NAA25: variants seen among roughly 807,000 people sequenced by gnomAD.
The protein encoded by NAA25 is N-alpha-acetyltransferase 25, NatB auxiliary subunit.
NAA25 carries 30 observed loss-of-function variants against 132.5 expected under a neutral mutation model. That is an observed-to-expected ratio of 0.23 (90% CI 0.17 to 0.31). NAA25 has a LOEUF of 0.31. Among genes scored for constraint, NAA25 ranks in the 10% least tolerant of loss-of-function variants. The pLI is 1.00. For missense variants in NAA25, 771 were observed against 1,150.4 expected (o/e 0.67, Z 4.77); for synonymous variants, 359 against 401.9 (o/e 0.89, Z 1.28).
rs905661212 is a variant in NAA25 at position 112,026,851 on chromosome 12, C to T, written c.*2680G>A. The T allele has an allele frequency of 2.0e-5, 3 of 152,132 alleles. No homozygotes were observed. The highest frequency in any genetic ancestry group is 7.3e-5 in the African/African-American group (3 of 41,358). 9.4% of individuals were successfully genotyped at this position (152,132 alleles called of 1,614,324 possible). ...ACAAGCCTGTAGATACATTGAAACC[C>T]CTTTTTATATTAAAAGTTAAAATGA... On this transcript the variant is annotated 3_prime_UTR_variant, in exon 24 of 24. Coordinates refer to ENST00000261745, the MANE Select transcript of NAA25 (RefSeq NM_024953.4).
At chr12:112,100,401 T>TCCTCCTGC (rs1257992655) in intron 1 of NAA25, among the ~76,000 whole-genome samples, 2 of 152,118 alleles carry the variant, frequency 1.3e-5, no homozygotes, top group East Asian at 3.9e-4. Context: ...GACCTCGTGA[T>TCCTCCTGC]CCTCCTGCCT....
intron 1 of NAA25, among the ~76,000 whole-genome samples, chr12:112,107,184 T>C (rs373680222): frequency 1.3e-5 from 2 of 151,912 alleles, no homozygotes; most frequent in South Asian, 2.1e-4. Flanking sequence ...CGCTTGAACC[T>C]GGGAGGCAGA....
chr12:112,061,111 G>A (rs1390846558), intron 12 of NAA25, 70 bp downstream of exon 12: 8 of 1,289,906 alleles, frequency 6.2e-6, no homozygotes, highest in Non-Finnish European at 8.8e-6. Flanking sequence ...TGCTACAGGT[G>A]CTTAAAAAAC....
At chr12:112,035,937 T>G (rs2136802446) in intron 22 of NAA25, among the ~76,000 whole-genome samples, 1 of 152,264 alleles carries the variant, frequency 6.6e-6, no homozygotes, top group Admixed American at 6.5e-5. Flanking sequence ...CTCCCCACCT[T>G]GGCCTCCCCA....
At chr12:112,073,528 C>A (rs2078847119) in intron 9 of NAA25, among the ~76,000 whole-genome samples, 1 of 152,154 alleles carries the variant, frequency 6.6e-6, no homozygotes, top group African/African-American at 2.4e-5. Flanking sequence ...GCTCCGCCTC[C>A]CGGGTTCACG....
intron 4 of NAA25, among the ~76,000 whole-genome samples, chr12:112,083,593 G>A (rs998566569): frequency 6.6e-6 from 1 of 152,124 alleles, no homozygotes; most frequent in Non-Finnish European, 1.5e-5. Flanking sequence ...GGACATACAG[G>A]ATAGGAGAGT....
At chr12:112,078,809 G>C (rs748416647) in intron 5 of NAA25, 68 bp from the exon 6 acceptor site, 7 of 1,225,036 alleles carry the variant, frequency 5.7e-6, no homozygotes, top group Non-Finnish European at 8.3e-6. Flanking sequence ...TAACATTACT[G>C]TTAATTGGGC....
chr12:112,045,288 G>A (rs963514532), intron 17 of NAA25, among the ~76,000 whole-genome samples: 1 of 151,862 alleles, frequency 6.6e-6, no homozygotes, highest in Non-Finnish European at 1.5e-5. Flanking sequence ...TCAGGAGATC[G>A]AGACCATCCT....
At chr12:112,031,486 G>T (rs2078149278) in intron 23 of NAA25, among the ~76,000 whole-genome samples, 1 of 152,168 alleles carries the variant, frequency 6.6e-6, no homozygotes, top group South Asian at 2.1e-4. Flanking sequence ...TACAGATAAA[G>T]AGATTGAAGC....
intron 7 of NAA25, 25 bp downstream of exon 7, chr12:112,078,163 C>T: frequency 6.7e-7 from 1 of 1,489,444 alleles, no homozygotes; most frequent in Middle Eastern, 1.8e-4. Flanking sequence ...AAAAAAAAAG[C>T]TTTAAGAAAA....
At chr12:112,055,979 G>C (rs1247708720) in intron 13 of NAA25, among the ~76,000 whole-genome samples, 1 of 152,046 alleles carries the variant, frequency 6.6e-6, no homozygotes, top group East Asian at 1.9e-4. Flanking sequence ...GCAGGGAGAT[G>C]GCTTGAGCCC....
At chr12:112,051,510 G>C (rs2078465271) in intron 15 of NAA25, among the ~76,000 whole-genome samples, 1 of 152,052 alleles carries the variant, frequency 6.6e-6, no homozygotes, top group African/African-American at 2.4e-5. Context: ...TGCCCAGCCT[G>C]TACTGTATTT....
chr12:112,100,066 C>A (rs2079270616), intron 1 of NAA25, among the ~76,000 whole-genome samples: 1 of 152,216 alleles, frequency 6.6e-6, no homozygotes, highest in African/African-American at 2.4e-5. Context: ...CTTCACTCAG[C>A]AAGCCTTTGT....
chr12:112,108,209 C>G (rs1185458428), intron 1 of NAA25, among the ~76,000 whole-genome samples: 2 of 152,178 alleles, frequency 1.3e-5, no homozygotes, highest in African/African-American at 4.8e-5. Context: ...TCTGGGTGAC[C>G]TTGCGTCAGC....
intron 15 of NAA25, among the ~76,000 whole-genome samples, chr12:112,050,496 T>C (rs1468059402): frequency 6.6e-6 from 1 of 151,820 alleles, no homozygotes; most frequent in East Asian, 1.9e-4. Flanking sequence ...ACCTAGAGAT[T>C]ATATTTTCTT....
rs2078110908 is a variant in NAA25 at position 112,028,603 on chromosome 12, A to C, written c.*928T>G. 1 of 152,110 alleles carries C rather than the reference A, an allele frequency of 6.6e-6. No individual in the cohort carries two copies. The highest frequency in any genetic ancestry group is 1.5e-5 in the Non-Finnish European group (1 of 68,016). 9.4% of individuals were successfully genotyped at this position (152,110 alleles called of 1,614,324 possible). On this transcript the variant is annotated 3_prime_UTR_variant, in exon 24 of 24. Transcript: ENST00000261745. ...CACACTTAAAACATTAAAGTATTAA[A>C]TCTTAATTTTCAAGTCATATATATA...
At chr12:112,044,164 C>G (rs1480278549) in intron 17 of NAA25, among the ~76,000 whole-genome samples, 1 of 150,704 alleles carries the variant, frequency 6.6e-6, no homozygotes, top group Non-Finnish European at 1.5e-5. Flanking sequence ...ATCTCCTGAC[C>G]TCGTGATCTG....
At chr12:112,103,847 G>A (rs2079326997) in intron 1 of NAA25, among the ~76,000 whole-genome samples, 2 of 152,108 alleles carry the variant, frequency 1.3e-5, no homozygotes, top group Admixed American at 6.6e-5. Context: ...CATAAGGAGC[G>A]CCAACCTCGA....
chr12:112,070,455 T>G lies in NAA25; in HGVS notation c.1036+1440A>C, dbSNP rs189099848. Among the ~76,000 whole-genome samples the G allele has an allele frequency of 2.6e-5, 4 of 152,368 alleles. No homozygotes were observed. The East Asian group carries it at 7.7e-4, about 29-fold the overall frequency. Reference sequence around the variant, plus strand: ...ATTCTTTTGTCAATAGTTTTGTGAGTGCTTCAAGCAGATTTTCAAGAAACC... The same window carrying G: ...ATTCTTTTGTCAATAGTTTTGTGAGGGCTTCAAGCAGATTTTCAAGAAACC... On this transcript the variant is annotated intron_variant, in intron 10 of 23. Coordinates refer to ENST00000261745, the MANE Select transcript of NAA25 (RefSeq NM_024953.4).
Sources: gnomAD v4.1 joint callset for allele counts (sites outside exome capture counted in the v4.1 genomes callset) on GRCh38, gnomAD v4.1.1 for gene constraint, MANE v1.5 for transcripts, NCBI Gene and HGNC (gene_info 2026-07-23, HGNC 2026-07-21) for gene names.